The following DZIP1 variants were observed in gnomAD, a reference collection of about 807,000 sequenced individuals.
DZIP1 encodes the protein DAZ interacting zinc finger protein 1, also known as cilium assembly protein DZIP1.
A neutral mutation model predicts 107.6 loss-of-function variants in DZIP1; 97 were observed. That is an observed-to-expected ratio of 0.90 (90% CI 0.77 to 1.07). The LOEUF is 1.07. Ranked by LOEUF, DZIP1 falls within the 50% of genes least tolerant of loss-of-function variation. The probability of loss-of-function intolerance (pLI) is 0.00; values close to 1 mark genes in which losing one functional copy is unlikely to be tolerated. For missense variants in DZIP1, 1,035 were observed against 1,063.6 expected, an observed-to-expected ratio of 0.97 and a Z score of 0.37; for synonymous variants, 390 against 386.4, an observed-to-expected ratio of 1.01 and a Z score of -0.11.
intron 9 of DZIP1, among the ~76,000 whole-genome samples, chr13:95,622,101 T>G (rs1025899277): frequency 6.6e-6 from 1 of 152,182 alleles, no homozygotes; most frequent in African/African-American, 2.4e-5. Flanking sequence ...CAATTCAAAT[T>G]GACTTTATGG....
intron 10 of DZIP1, among the ~76,000 whole-genome samples, chr13:95,614,606 C>A (rs1038961627): frequency 6.6e-6 from 1 of 152,142 alleles, no homozygotes; most frequent in African/African-American, 2.4e-5. Context: ...AGGGTCTAGG[C>A]AAACATAGCC....
intron 7 of DZIP1, 115 bp from the exon 8 acceptor site, chr13:95,625,044 A>G: frequency 2.2e-6 from 2 of 916,328 alleles, no homozygotes; most frequent in South Asian, 3.6e-5. Context: ...TGCTTATTTC[A>G]GTGAGGCTTG....
In DZIP1 at chr13:95,589,839, T is replaced by C; in HGVS notation, c.1937A>G (p.Gln646Arg). Reference protein sequence around the residue: ...LPSKNRQLIRQKAVSTDRTSV... With the variant: ...LPSKNRQLIRRKAVSTDRTSV... ...TGTCCTATCAGTAGAAACAGCTTTT[T>C]GTCTAATCAGTTGTCTGTTTTTGGA... The change falls in exon 18 of 23, where the codon CAA (glutamine) becomes CGA (arginine). Residue 646 changes from glutamine to arginine, a missense_variant. Transcript: ENST00000376829. The C allele has an allele frequency of 3.1e-6, 5 of 1,614,172 alleles. No homozygotes were observed. Among genetic ancestry groups the C allele is most frequent in the Non-Finnish European group, 4.2e-6 (5 of 1,180,020 alleles).
chr13:95,605,900 G>T, intron 14 of DZIP1, 103 bp downstream of exon 14: 2 of 1,206,388 alleles, frequency 1.7e-6, no homozygotes, highest in Non-Finnish European at 2.4e-6. Flanking sequence ...AATGTTTCCT[G>T]TTTTATTATT....
intron 20 of DZIP1, among the ~76,000 whole-genome samples, chr13:95,586,478 G>A (rs1467826010): frequency 3.9e-5 from 6 of 152,122 alleles, no homozygotes; most frequent in African/African-American, 1.4e-4. Flanking sequence ...GGGATTACAG[G>A]TGAGAGCGAC....
At chr13:95,620,045 T>G (rs1875631774) in intron 9 of DZIP1, 98 bp from the exon 10 acceptor site, 1 of 1,302,216 alleles carries the variant, frequency 7.7e-7, no homozygotes, top group East Asian at 2.4e-5. Context: ...GAAACCCAAC[T>G]ATCTATCTGG....
chr13:95,591,684 T>C (rs1254037741), intron 16 of DZIP1, among the ~76,000 whole-genome samples: 1 of 152,214 alleles, frequency 6.6e-6, no homozygotes, highest in Non-Finnish European at 1.5e-5. Context: ...AGAGCTCCCA[T>C]TTGTCTGGGA....
intron 12 of DZIP1, among the ~76,000 whole-genome samples, chr13:95,610,808 A>C (rs1373420941): frequency 6.6e-6 from 1 of 152,134 alleles, no homozygotes; most frequent in East Asian, 1.9e-4. Context: ...TTAGTTATTG[A>C]GAGTGAGTTT....
intron 5 of DZIP1, among the ~76,000 whole-genome samples, chr13:95,638,666 C>T (rs573514832): frequency 1.3e-5 from 2 of 152,270 alleles, no homozygotes; most frequent in East Asian, 1.9e-4. Flanking sequence ...CACACACGCA[C>T]ACCCCATGGG....
At chr13:95,626,889 A>G (rs1876606270) in intron 7 of DZIP1, among the ~76,000 whole-genome samples, 1 of 152,206 alleles carries the variant, frequency 6.6e-6, no homozygotes, top group Admixed American at 6.5e-5. Context: ...ATGGAAAGAC[A>G]TCCCATGTTC....
At chr13:95,629,875 TC>T (rs1486083417) in intron 7 of DZIP1, 113 bp downstream of exon 7, 4 of 1,098,220 alleles carry the variant, frequency 3.6e-6, no homozygotes, top group Non-Finnish European at 4.9e-6. Flanking sequence ...AAAAATGCAA[TC>T]ATCTTGTCAA....
Position 95,590,292 on chromosome 13 carries a change from T to G in DZIP1, c.1830A>C (p.Ala610=), listed in dbSNP as rs900366652. 2.5e-6 allele frequency: 4 copies of G among 1,612,272 alleles called. No individual in the cohort carries two copies. In the African/African-American group the frequency reaches 5.3e-5, roughly 22 times the overall value. ...TAACAAGCTTACCTGAAGAGAGTAGTGCTTTCTCCTCAATTTTACAGCTGA... is the reference window on the plus strand; with the variant it reads ...TAACAAGCTTACCTGAAGAGAGTAGGGCTTTCTCCTCAATTTTACAGCTGA... ...HQVSCKIEEK[A]LLSSDQCSVS... The change falls in exon 17 of 23, where the codon GCA becomes GCC. Residue 610 remains alanine (A), a synonymous_variant. Coordinates refer to ENST00000376829, the MANE Select transcript of DZIP1 (RefSeq NM_198968.4).
At chr13:95,594,110 G>A in intron 15 of DZIP1, 24 bp from the exon 16 acceptor site, 1 of 1,562,546 alleles carries the variant, frequency 6.4e-7, no homozygotes, top group African/African-American at 1.4e-5. Context: ...TTAAAAATGT[G>A]TTAAAAAAAG....
chr13:95,600,400 G>T (rs1344768166), intron 14 of DZIP1, among the ~76,000 whole-genome samples: 4 of 152,072 alleles, frequency 2.6e-5, no homozygotes, highest in Non-Finnish European at 5.9e-5. Context: ...GATGAGCCAG[G>T]GTAAAAATGG....
intron 7 of DZIP1, among the ~76,000 whole-genome samples, chr13:95,627,377 C>A (rs1297943478): frequency 6.6e-6 from 1 of 151,932 alleles, no homozygotes; most frequent in African/African-American, 2.4e-5. Context: ...AGACCAATGA[C>A]CTAATAGAGC....
chr13:95,631,960 G>A (rs1194509185), intron 6 of DZIP1, among the ~76,000 whole-genome samples: 3 of 152,154 alleles, frequency 2.0e-5, no homozygotes, highest in Non-Finnish European at 2.9e-5. Flanking sequence ...ATCTTACTCT[G>A]TACCTCAGCG....
At position 95,637,458 on chromosome 13, in the gene DZIP1, G is replaced by C. The variant is rs150526542; in HGVS notation, c.597+3837C>G. On this transcript the variant is annotated intron_variant, in intron 5 of 22. Transcript: ENST00000376829. ...CGGGGGGCCTAATCTGATAGGGTAA[G>C]TGTGGCACAGTGGCTCACACCTGTA... is the stretch of plus-strand genomic sequence containing the variant. Among the ~76,000 whole-genome samples the C allele has an allele frequency of 1.4e-3, 216 of 152,284 alleles. 1 individual carries two copies. The highest frequency in any genetic ancestry group is 5.0e-3 in the African/African-American group (206 of 41,536).
intron 12 of DZIP1, among the ~76,000 whole-genome samples, chr13:95,610,254 A>G (rs1222512102): frequency 7.9e-5 from 12 of 151,978 alleles, no homozygotes; most frequent in Admixed American, 7.9e-4. Flanking sequence ...CCAAACAGCC[A>G]CAGTTGAGAA....
At position 95,611,586 on chromosome 13, in the gene DZIP1, A is replaced by T. The variant is rs919276001; in HGVS notation, c.1315-93T>A. Reference sequence around the variant, plus strand: ...GACAGATAATGTTGTTAGTAAATTAACCTTTTCACTAAATTATCCAGGGAC... The same window carrying T: ...GACAGATAATGTTGTTAGTAAATTATCCTTTTCACTAAATTATCCAGGGAC... On this transcript the variant is annotated intron_variant, in intron 11 of 22. Coordinates refer to ENST00000376829, the MANE Select transcript of DZIP1 (RefSeq NM_198968.4). 33 of 1,065,070 alleles carry T rather than the reference A, an allele frequency of 3.1e-5. 1 individual carries two copies. Among genetic ancestry groups the T allele is most frequent in the Non-Finnish European group, 4.4e-5 (31 of 699,538 alleles). 66.0% of individuals were successfully genotyped at this position (1,065,070 alleles called of 1,614,324 possible). A position where few individuals can be genotyped will look rare whatever the true frequency, so the allele number is the denominator to read the frequency against.
Sources: allele counts gnomAD v4.1 joint callset (sites outside exome capture counted in the v4.1 genomes callset), GRCh38; gene constraint gnomAD v4.1.1; transcripts MANE v1.5; gene names NCBI Gene and HGNC (gene_info 2026-07-23, HGNC 2026-07-21).